Variants in FAM83F observed in about 807,000 individuals in gnomAD.
FAM83F encodes the protein scaffolding CK1 anchoring protein F.
FAM83F carries 45 observed loss-of-function variants against 42.9 expected under a neutral mutation model. The observed-to-expected ratio is 1.05, with a 90% CI of 0.83 to 1.35. FAM83F has a LOEUF of 1.35. FAM83F is among the 40% of genes most tolerant of loss of function. FAM83F has a pLI of 0.00. For synonymous variants in FAM83F, 306 were observed against 298.3 expected (o/e 1.03, Z -0.27); for missense variants, 617 against 695.9 (o/e 0.89, Z 1.28).
chr22:40,004,358 G>A (rs1238358473), intron 1 of FAM83F, among the ~76,000 whole-genome samples: 2 of 148,596 alleles, frequency 1.3e-5, no homozygotes, highest in Non-Finnish European at 3.0e-5. Context: ...CTGGAGTGCA[G>A]TGACTCTTAT....
chr22:40,011,398 G>T (rs1398157886), intron 1 of FAM83F, among the ~76,000 whole-genome samples: 1 of 152,080 alleles, frequency 6.6e-6, no homozygotes, highest in Non-Finnish European at 1.5e-5. Context: ...TGGCCAGTCT[G>T]GTCTCAAACC....
At chr22:40,022,532 C>T (rs1266841233) in intron 4 of FAM83F, among the ~76,000 whole-genome samples, 5 of 152,154 alleles carry the variant, frequency 3.3e-5, no homozygotes, top group African/African-American at 9.7e-5. Flanking sequence ...ACGGGCAGTC[C>T]GACTTGGTTT....
At chr22:40,022,652 G>A (rs1279513490) in intron 4 of FAM83F, among the ~76,000 whole-genome samples, 5 of 152,180 alleles carry the variant, frequency 3.3e-5, no homozygotes, top group African/African-American at 1.2e-4. Context: ...GGAGGCCCTG[G>A]ACTTTATGTC....
Position 40,023,735 on chromosome 22 carries a change from G to T in FAM83F, c.1453+1772G>T, listed in dbSNP as rs1032494763. 1.3e-5 allele frequency among the ~76,000 whole-genome samples: 2 copies of T among 152,158 alleles called. No homozygotes were observed. Among genetic ancestry groups the T allele is most frequent in the African/African-American group, 4.8e-5 (2 of 41,428 alleles). ...GGAGCCAGCCTTGCAGACACAGACG[G>T]TACCCTTGGGAAGCTCCTCTCCAGG... On this transcript the variant is annotated intron_variant, in intron 4 of 4. Transcript: ENST00000333407. The surrounding 1 kb of genome is among the most constrained non-coding windows in gnomAD (Gnocchi z 4.1).
chr22:40,001,209 G>A (rs2067399671), intron 1 of FAM83F, among the ~76,000 whole-genome samples: 1 of 152,156 alleles, frequency 6.6e-6, no homozygotes, highest in South Asian at 2.1e-4. Flanking sequence ...ACAGAAGACA[G>A]ACTCTGAAGT....
At chr22:40,028,389 A>T (rs77101476) in intron 4 of FAM83F, among the ~76,000 whole-genome samples, 1,529 of 152,334 alleles carry the variant, frequency 0.01, 24 homozygotes, top group African/African-American at 0.034. Flanking sequence ...TTAAATTCAC[A>T]GCTGAAGTGA....
intron 1 of FAM83F, among the ~76,000 whole-genome samples, chr22:40,013,542 T>C (rs143784270): frequency 3.9e-4 from 60 of 152,362 alleles, no homozygotes; most frequent in South Asian, 2.5e-3. Flanking sequence ...TCAATTCTTA[T>C]TGCTATGGTG....
intron 1 of FAM83F, among the ~76,000 whole-genome samples, chr22:40,005,069 C>T (rs1260872415): frequency 6.6e-6 from 1 of 152,234 alleles, no homozygotes; most frequent in Non-Finnish European, 1.5e-5. Flanking sequence ...CTCAACTTGC[C>T]TCCGTAGGGA....
intron 1 of FAM83F, 127 bp from the exon 2 acceptor site, chr22:40,019,039 AAT>A: frequency 2.8e-6 from 3 of 1,069,612 alleles, no homozygotes; most frequent in Non-Finnish European, 4.1e-6. Flanking sequence ...GAACTCCAGG[AAT>A]GGTACAGGTG....
intron 1 of FAM83F, among the ~76,000 whole-genome samples, chr22:40,016,001 G>A (rs945918050): frequency 6.6e-6 from 1 of 152,116 alleles, no homozygotes; most frequent in Admixed American, 6.6e-5. Flanking sequence ...GGCAAAATTA[G>A]TATAGAGAGT....
At chr22:40,006,579 A>G (rs2067430114) in intron 1 of FAM83F, among the ~76,000 whole-genome samples, 1 of 152,210 alleles carries the variant, frequency 6.6e-6, no homozygotes, top group African/African-American at 2.4e-5. Flanking sequence ...AGGCTTAGAG[A>G]GTGACTGTGT....
rs950700940 is a variant in FAM83F at position 40,034,355 on chromosome 22, A to G, written c.*4790A>G. ...CCAGCTCAGTGAGCAGAACCAGTCC[A>G]AGGTTGAGTGAGGAGAAGGGCAAGA... On this transcript the variant is annotated 3_prime_UTR_variant, in exon 5 of 5. Coordinates refer to ENST00000333407, the MANE Select transcript of FAM83F (RefSeq NM_138435.4). The G allele has an allele frequency of 2.0e-5, 3 of 152,490 alleles. No individual in the cohort carries two copies. The highest frequency in any genetic ancestry group is 7.2e-5 in the African/African-American group (3 of 41,458). 9.4% of individuals were successfully genotyped at this position (152,490 alleles called of 1,614,324 possible).
At chr22:40,022,523 C>T (rs542867642) in intron 4 of FAM83F, among the ~76,000 whole-genome samples, 8 of 152,292 alleles carry the variant, frequency 5.3e-5, no homozygotes, top group African/African-American at 7.2e-5. Flanking sequence ...GTCTCTGTGA[C>T]GGGCAGTCCG....
intron 1 of FAM83F, among the ~76,000 whole-genome samples, chr22:39,996,239 C>G (rs963673510): frequency 2.6e-5 from 4 of 152,164 alleles, no homozygotes; most frequent in Non-Finnish European, 5.9e-5. Context: ...GAAGGAGGGG[C>G]TGTTTCCAGG....
At chr22:40,011,886 C>G (rs1235579214) in intron 1 of FAM83F, among the ~76,000 whole-genome samples, 1 of 152,184 alleles carries the variant, frequency 6.6e-6, no homozygotes, top group Non-Finnish European at 1.5e-5. Context: ...GGTGCACGGC[C>G]AAGAGTGGCT....
chr22:40,005,616 C>T (rs1188392920), intron 1 of FAM83F, among the ~76,000 whole-genome samples: 1 of 152,236 alleles, frequency 6.6e-6, no homozygotes, highest in Non-Finnish European at 1.5e-5. Flanking sequence ...CATACACCCT[C>T]CTTCATTCAA....
rs1363907222 is a variant in FAM83F at position 40,040,192 on chromosome 22, G to C, written c.*10627G>C. On this transcript the variant is annotated 3_prime_UTR_variant, in exon 5 of 5. Transcript: ENST00000333407. ...ACTACGAGGACAACTGTTCATTGAGGGCTGGTCATCTCCCCAGCTGCACTG... is the reference window on the plus strand; with the variant it reads ...ACTACGAGGACAACTGTTCATTGAGCGCTGGTCATCTCCCCAGCTGCACTG... The C allele has an allele frequency of 6.6e-6, 1 of 152,216 alleles. No individual in the cohort carries two copies. Among genetic ancestry groups the C allele is most frequent in the Non-Finnish European group, 1.5e-5 (1 of 68,060 alleles). 9.4% of individuals were successfully genotyped at this position (152,216 alleles called of 1,614,324 possible).
At chr22:40,010,692 C>T (rs2067458203) in intron 1 of FAM83F, among the ~76,000 whole-genome samples, 1 of 152,192 alleles carries the variant, frequency 6.6e-6, no homozygotes, top group African/African-American at 2.4e-5. Context: ...CGACATGAGT[C>T]CACTCTAAAC....
rs1307519874 is a variant in FAM83F, at chr22:40,031,300, C to G, written c.*1735C>G. On this transcript the variant is annotated 3_prime_UTR_variant, in exon 5 of 5. Transcript: ENST00000333407. The stretch of plus-strand genomic sequence containing the variant: ...GTTACACCTCAGCTCGAGGCGGACA[C>G]CTTGAAGGTATGGGACATGAAATGT... 3 of 152,062 alleles carry G rather than the reference C, an allele frequency of 2.0e-5. No homozygotes were observed. Among genetic ancestry groups the G allele is most frequent in the Non-Finnish European group, 4.4e-5 (3 of 68,054 alleles). The allele number at this position is 152,062 out of a possible 1,614,324, so 9.4% of individuals were successfully genotyped here.
Sources: gnomAD v4.1 joint callset for allele counts (sites outside exome capture counted in the v4.1 genomes callset) on GRCh38, gnomAD v4.1.1 for gene constraint, Gnocchi (gnomAD v3.1) non-coding constraint, MANE v1.5 for transcripts, NCBI Gene and HGNC (gene_info 2026-07-23, HGNC 2026-07-21) for gene names.